NDUFAF6: variants seen among roughly 807,000 people sequenced by gnomAD.
NDUFAF6 encodes the protein NADH:ubiquinone oxidoreductase complex assembly factor 6.
NDUFAF6 carries 45 observed loss-of-function variants against 40.8 expected under a neutral mutation model. That is an observed-to-expected ratio of 1.10 (90% CI 0.87 to 1.42). The LOEUF is 1.42. NDUFAF6 is among the 40% of genes most tolerant of loss of function. The pLI, the probability that NDUFAF6 is intolerant of heterozygous loss-of-function variation, is 0.00. For synonymous variants in NDUFAF6, 185 were observed against 155.9 expected (o/e 1.19, Z -1.39); for missense variants, 435 against 418.5 (o/e 1.04, Z -0.34).
downstream of NDUFAF6, among the ~76,000 whole-genome samples, chr8:95,117,034 C>T (rs1303973173): frequency 1.3e-5 from 2 of 152,162 alleles, no homozygotes; most frequent in Non-Finnish European, 2.9e-5. Context: ...CCTCTCTGCC[C>T]TCAGATGTCA....
At chr8:94,987,249 T>C (rs1014020683) in intron 2 of NDUFAF6, among the ~76,000 whole-genome samples, 9 of 152,226 alleles carry the variant, frequency 5.9e-5, no homozygotes, top group Admixed American at 3.3e-4. Flanking sequence ...TTTGGAACTT[T>C]TATTGACTTG....
downstream of NDUFAF6, among the ~76,000 whole-genome samples, chr8:95,059,571 G>A (rs1462030356): frequency 3.3e-5 from 5 of 152,090 alleles, no homozygotes; most frequent in East Asian, 1.9e-4. Context: ...AAATGGGGCC[G>A]GGCGTGGTGG....
At chr8:95,037,987 G>T (rs1035836682) in intron 3 of NDUFAF6, among the ~76,000 whole-genome samples, 1 of 152,064 alleles carries the variant, frequency 6.6e-6, no homozygotes. Context: ...GGGCTCAGGC[G>T]ATCCTCTTGC....
chr8:94,964,310 T>A (rs1394548790), intron 1 of NDUFAF6, among the ~76,000 whole-genome samples: 1 of 151,610 alleles, frequency 6.6e-6, no homozygotes, highest in Non-Finnish European at 1.5e-5. Flanking sequence ...ATGCCTGTAG[T>A]CCCAGCTACT....
At chr8:94,935,803 C>A (rs1019183320) in intron 1 of NDUFAF6, among the ~76,000 whole-genome samples, 1 of 152,198 alleles carries the variant, frequency 6.6e-6, no homozygotes, top group Non-Finnish European at 1.5e-5. Context: ...GTGAGCTTTA[C>A]GTAAAGAAGT....
At chr8:95,060,857 T>C (rs905838379), downstream of NDUFAF6, among the ~76,000 whole-genome samples, 7 of 152,208 alleles carry the variant, frequency 4.6e-5, no homozygotes, top group African/African-American at 1.7e-4. Context: ...AGGTAATTAC[T>C]ACATAAGTTC....
At chr8:95,041,730 A>G (rs1830169745) in intron 4 of NDUFAF6, 104 bp downstream of exon 4, 2 of 993,926 alleles carry the variant, frequency 2.0e-6, no homozygotes, top group South Asian at 1.3e-5. Flanking sequence ...ATTTTGGAGG[A>G]AGGAAACTTT....
intron 1 of NDUFAF6, among the ~76,000 whole-genome samples, chr8:94,900,643 C>T (rs1817955302): frequency 6.6e-6 from 1 of 152,148 alleles, no homozygotes; most frequent in Non-Finnish European, 1.5e-5. Context: ...GGCGGGAGGG[C>T]ACAGAGTGCT....
intron 1 of NDUFAF6, among the ~76,000 whole-genome samples, chr8:94,962,278 G>T (rs11781397): frequency 0.13 from 19,717 of 152,242 alleles, 1,627 homozygotes; most frequent in Middle Eastern, 0.22. Context: ...GACGGTCCTA[G>T]GTTTCTTACC....
intron 9 of NDUFAF6, among the ~76,000 whole-genome samples, chr8:95,075,378 C>T (rs761447219): frequency 1.6e-4 from 24 of 152,074 alleles, no homozygotes; most frequent in Non-Finnish European, 3.1e-4. Context: ...AAAATTAGGA[C>T]CATACAGGAA....
downstream of NDUFAF6, among the ~76,000 whole-genome samples, chr8:95,106,274 C>CAAA (rs772574749): frequency 4.6e-5 from 4 of 87,520 alleles, no homozygotes; most frequent in African/African-American, 1.7e-4. Context: ...GACTCCATCT[C>CAAA]AAAAAAAAAA....
intron 1 of NDUFAF6, among the ~76,000 whole-genome samples, chr8:94,901,647 T>C (rs1299747293): frequency 6.6e-6 from 1 of 152,176 alleles, no homozygotes; most frequent in Non-Finnish European, 1.5e-5. Flanking sequence ...AGTGGCGCGA[T>C]CTCAGCTCAC....
At chr8:95,114,209 G>A (rs1314515212) in intron 4 of NDUFAF6, among the ~76,000 whole-genome samples, 1 of 152,072 alleles carries the variant, frequency 6.6e-6, no homozygotes, top group Non-Finnish European at 1.5e-5. Flanking sequence ...AAAGGGAGAA[G>A]GGCCCTCAGT....
intron 1 of NDUFAF6, among the ~76,000 whole-genome samples, chr8:94,943,168 T>C (rs1178117183): frequency 6.6e-6 from 1 of 152,150 alleles, no homozygotes; most frequent in East Asian, 1.9e-4. Context: ...TGGGAGCTGA[T>C]GACACAAAGA....
intron 2 of NDUFAF6, among the ~76,000 whole-genome samples, chr8:95,032,831 C>T (rs1040552487): frequency 2.0e-5 from 3 of 152,254 alleles, no homozygotes; most frequent in Admixed American, 2.0e-4. Flanking sequence ...GAATATGGCA[C>T]CGAGGCACAA....
upstream of NDUFAF6, among the ~76,000 whole-genome samples, chr8:95,021,986 C>CT (rs1827709507): frequency 6.6e-6 from 1 of 152,078 alleles, no homozygotes; most frequent in South Asian, 2.1e-4. Flanking sequence ...TGTGGAAGAT[C>CT]TATACATGTA....
intron 1 of NDUFAF6, among the ~76,000 whole-genome samples, chr8:94,904,310 ATTTTTTTTGCTTTTTTTTTTTTTTT>A (rs1432475976): frequency 0.05 from 2,434 of 48,986 alleles, 65 homozygotes; most frequent in South Asian, 0.15. Flanking sequence ...CACCTGGCTA[ATTTTTTTTGCTTTTTTTTTTTTTTT>A]TTTTTTTTTT....
intron 4 of NDUFAF6, among the ~76,000 whole-genome samples, chr8:95,111,079 G>A (rs191978094): frequency 5.6e-4 from 85 of 152,342 alleles, no homozygotes; most frequent in African/African-American, 1.9e-3. Context: ...CACACTTAAT[G>A]ACAGGGGAGC....
At chr8:95,082,647 GTTTGTTTTGTTTTGT>G (rs528649760) in intron 2 of NDUFAF6, among the ~76,000 whole-genome samples, 4 of 151,682 alleles carry the variant, frequency 2.6e-5, no homozygotes, top group African/African-American at 4.9e-5. Flanking sequence ...TTGTTTGTTT[GTTTGTTTTGTTTTGT>G]TTTGTTTTGT....
Sources: allele counts gnomAD v4.1 joint callset (sites outside exome capture counted in the v4.1 genomes callset), GRCh38; gene constraint gnomAD v4.1.1; transcripts MANE v1.5; gene names NCBI Gene and HGNC (gene_info 2026-07-23, HGNC 2026-07-21).